The following TBC1D21 variants were observed in gnomAD, a reference collection of about 807,000 sequenced individuals.
The protein encoded by TBC1D21 is TBC1 domain family member 21.
Under a neutral mutation model 46.0 loss-of-function variants are expected in TBC1D21, and 38 were observed. The ratio of observed to expected loss-of-function variants is 0.83; its 90% CI spans 0.64 to 1.08. The LOEUF is 1.08. Among genes scored for constraint, TBC1D21 ranks in the 50% least tolerant of loss-of-function variants. The probability of loss-of-function intolerance (pLI) is 0.00; values close to 1 mark genes in which losing one functional copy is unlikely to be tolerated. For missense variants in TBC1D21, 415 were observed against 417.9 expected (o/e 0.99, Z 0.06); for synonymous variants, 151 against 157.2 (o/e 0.96, Z 0.29).
Position 73,881,752 on chromosome 15 carries a change from AAC to A in TBC1D21, c.272+8_272+9del, listed in dbSNP as rs771423382. 6.2e-7 allele frequency: 1 copy of A among 1,613,076 alleles called. No homozygotes were observed. The highest frequency in any genetic ancestry group is 8.5e-7 in the Non-Finnish European group (1 of 1,179,552). ...CACGGTGGACAGCATGAGGAGGTAG[AAC>A]ACTCCAGACCCTGCTGGGACAGGAG... On this transcript the variant is annotated splice_donor_region_variant and intron_variant, in intron 3 of 10. Coordinates refer to ENST00000300504, the MANE Select transcript of TBC1D21 (RefSeq NM_153356.3).
Position 73,885,069 on chromosome 15 carries a change from C to T in TBC1D21, c.545C>T (p.Thr182Ile). The T allele has an allele frequency of 6.2e-7, 1 of 1,613,444 alleles. No homozygotes were observed. The highest frequency in any genetic ancestry group is 1.7e-4 in the Middle Eastern group (1 of 6,060). ...FQLMVEHDHE[T>I]FWLFQFFLQK... is the part of the protein sequence containing the mutation. ...CTGATGGTGGAGCACGACCACGAGA[C>T]CTTCTGGCTTTTCCAGTTCTTCCTG... The change falls in exon 6 of 11, where the codon ACC (threonine) becomes ATC (isoleucine). Residue 182 changes from threonine to isoleucine, a missense_variant. Transcript: ENST00000300504.
chr15:73,886,186 C>T lies in TBC1D21; in HGVS notation c.676+12C>T. 6.2e-7 allele frequency: 1 copy of T among 1,608,954 alleles called. No individual in the cohort carries two copies. The highest frequency in any genetic ancestry group is 8.5e-7 in the Non-Finnish European group (1 of 1,175,340). Reference sequence around the variant, plus strand: ...TGCTGAGCACCTAAGTGAGTGGTTCCCACCTCCTGCCACCTCACGCACCCC... The same window carrying T: ...TGCTGAGCACCTAAGTGAGTGGTTCTCACCTCCTGCCACCTCACGCACCCC... On this transcript the variant is annotated intron_variant, in intron 7 of 10. Coordinates refer to ENST00000300504, the MANE Select transcript of TBC1D21 (RefSeq NM_153356.3).
chr15:73,887,523 G>GCTGA, intron 8 of TBC1D21, 97 bp from the exon 9 acceptor site: 1 of 983,104 alleles, frequency 1.0e-6, no homozygotes, highest in South Asian at 1.3e-5. Context: ...CCCAGGAATG[G>GCTGA]CTGACTCCAG....
At chr15:73,889,244 C>T (rs2068315863), downstream of TBC1D21, 1 of 1,033,888 alleles carries the variant, frequency 9.7e-7, no homozygotes, top group Non-Finnish European at 1.4e-6. Flanking sequence ...TGTCTTTGAC[C>T]TTAGGGGCTG....
rs1387032528 is a variant in TBC1D21 at position 73,881,526 on chromosome 15, T to A, written c.168+20T>A. 1 of 1,612,582 alleles carries A rather than the reference T, an allele frequency of 6.2e-7. No individual in the cohort carries two copies. Among genetic ancestry groups the A allele is most frequent in the East Asian group, 2.2e-5 (1 of 44,884 alleles). ...GAAAGGGTGGGTCCCCAAGCTACCC[T>A]TGGCCTTGCCCTGGAACTGGGAGCA... On this transcript the variant is annotated intron_variant, in intron 2 of 10. Coordinates refer to ENST00000300504, the MANE Select transcript of TBC1D21 (RefSeq NM_153356.3).
rs2068148443 is a variant in TBC1D21, at chr15:73,881,259, T to C, written c.61-140T>C. ...GATTTTTTCTATATATTTTCAGTAA[T>C]GTCCTCAAGATAGATTTCCGAAGTA... On this transcript the variant is annotated intron_variant, in intron 1 of 10. Coordinates refer to ENST00000300504, the MANE Select transcript of TBC1D21 (RefSeq NM_153356.3). 18 of 609,504 alleles carry C rather than the reference T, an allele frequency of 3.0e-5. No individual in the cohort carries two copies. The South Asian group carries it at 3.3e-4, about 11-fold the overall frequency. 37.8% of individuals were successfully genotyped at this position (609,504 alleles called of 1,614,324 possible). A position where few individuals can be genotyped will look rare whatever the true frequency, so the allele number is the denominator to read the frequency against.
the TBC1D21 span, among the ~76,000 whole-genome samples, chr15:73,898,926 CACAT>C: frequency 7.2e-6 from 1 of 138,828 alleles, no homozygotes; most frequent in Non-Finnish European, 1.5e-5. Flanking sequence ...TATATATACA[CACAT>C]ATATATAGTT....
At position 73,876,199 on chromosome 15, in the gene TBC1D21, G is replaced by GGTGTTTTT. The variant is rs2068057275; in HGVS notation, c.60+2430_60+2431insGTGTTTTT. On this transcript the variant is annotated intron_variant, in intron 1 of 10. Transcript: ENST00000300504. ...GAAGAATCAGTGACTTTTTTTGTGG[G>GGTGTTTTT]TTTTTTTTTTTTTTTTTTTTTTTTT... Among the ~76,000 whole-genome samples, 45 of 28,326 alleles carry GGTGTTTTT rather than the reference G, an allele frequency of 1.6e-3. 16 individuals are homozygous for GGTGTTTTT. The highest frequency in any genetic ancestry group is 5.1e-3 in the Non-Finnish European group (27 of 5,336). The allele number at this position is 28,326 out of a possible 152,430, so 18.6% of individuals were successfully genotyped here.
intron 8 of TBC1D21, among the ~76,000 whole-genome samples, chr15:73,887,127 G>T (rs991031047): frequency 6.6e-5 from 10 of 152,150 alleles, no homozygotes; most frequent in Non-Finnish European, 1.3e-4. Flanking sequence ...CATGGCCACC[G>T]CTGCCTGCAG....
At chr15:73,873,875 T>C (rs1727103994) in intron 1 of TBC1D21, 106 bp downstream of exon 1, 7 of 1,346,196 alleles carry the variant, frequency 5.2e-6, no homozygotes, top group East Asian at 2.5e-5. Context: ...TGAGCTAACA[T>C]AGAAGGTGGA....
chr15:73,889,040 T>C, intron 10 of TBC1D21, 29 bp from the exon 11 acceptor site: 1 of 1,612,870 alleles, frequency 6.2e-7, no homozygotes. Context: ...GACCAATGTC[T>C]GTGCACCTCC....
chr15:73,897,983 A>T, the TBC1D21 span, among the ~76,000 whole-genome samples: 1 of 152,082 alleles, frequency 6.6e-6, no homozygotes, highest in African/African-American at 2.4e-5. Context: ...ACACACACAC[A>T]TTCTCAGTGT....
chr15:73,907,351 G>A, the TBC1D21 span, among the ~76,000 whole-genome samples: 1 of 152,200 alleles, frequency 6.6e-6, no homozygotes, highest in Non-Finnish European at 1.5e-5. Flanking sequence ...TTCATCTTTG[G>A]TGGGGTCTGC....
chr15:73,898,375 G>C, the TBC1D21 span, among the ~76,000 whole-genome samples: 1 of 152,174 alleles, frequency 6.6e-6, no homozygotes, highest in Non-Finnish European at 1.5e-5. Context: ...AACATTACCT[G>C]TTTCACTGTG....
chr15:73,904,594 G>A, the TBC1D21 span, among the ~76,000 whole-genome samples: 2 of 152,170 alleles, frequency 1.3e-5, no homozygotes, highest in African/African-American at 4.8e-5. Context: ...ACAGGTCCCA[G>A]GTCTGAGGCA....
At chr15:73,886,997 G>C (rs1030290352) in intron 8 of TBC1D21, among the ~76,000 whole-genome samples, 6 of 152,040 alleles carry the variant, frequency 3.9e-5, no homozygotes, top group Non-Finnish European at 8.8e-5. Context: ...CTGCTCCTGT[G>C]GAACTCTCTC....
chr15:73,890,087 C>G (rs141912331), downstream of TBC1D21, among the ~76,000 whole-genome samples: 2 of 152,314 alleles, frequency 1.3e-5, no homozygotes, highest in East Asian at 3.9e-4. Context: ...GGAGGGCTGA[C>G]ATTACACATG....
intron 8 of TBC1D21, among the ~76,000 whole-genome samples, chr15:73,887,146 C>G (rs2068262744): frequency 6.6e-6 from 1 of 152,208 alleles, no homozygotes; most frequent in Non-Finnish European, 1.5e-5. Context: ...AGTGTCCAGC[C>G]CAACCATCCA....
downstream of TBC1D21, among the ~76,000 whole-genome samples, chr15:73,890,311 C>T (rs532751164): frequency 6.6e-6 from 1 of 152,268 alleles, no homozygotes; most frequent in African/African-American, 2.4e-5. Flanking sequence ...AGTCTCTTAG[C>T]TGCTGTATCT....
Sources: gnomAD v4.1 joint callset for allele counts (sites outside exome capture counted in the v4.1 genomes callset) on GRCh38, gnomAD v4.1.1 for gene constraint, MANE v1.5 for transcripts, NCBI Gene and HGNC (gene_info 2026-07-23, HGNC 2026-07-21) for gene names.